COL13A1: variants seen among roughly 807,000 people sequenced by gnomAD.
COL13A1 encodes collagen alpha-1(XIII) chain.
A neutral mutation model predicts 130.9 loss-of-function variants in COL13A1; 89 were observed. The observed-to-expected ratio is 0.68, with a 90% CI of 0.57 to 0.81. The LOEUF (loss-of-function observed/expected upper bound fraction) is 0.81, where lower values mean the gene tolerates loss of function less well. Among genes scored for constraint, COL13A1 ranks in the 30% least tolerant of loss-of-function variants. The pLI, the probability that COL13A1 is intolerant of heterozygous loss-of-function variation, is 0.00. For missense variants in COL13A1, 879 were observed against 934.6 expected, an observed-to-expected ratio of 0.94 and a Z score of 0.78; for synonymous variants, 402 against 341.6, an observed-to-expected ratio of 1.18 and a Z score of -1.95.
chr10:69,933,052 C>G (rs1589616267), intron 31 of COL13A1, among the ~76,000 whole-genome samples: 1 of 142,964 alleles, frequency 7.0e-6, no homozygotes, highest in South Asian at 2.3e-4. Context: ...AGGAGAATCA[C>G]GTGAACCCAG....
At chr10:69,814,753 C>T (rs939363373) in intron 1 of COL13A1, among the ~76,000 whole-genome samples, 11 of 152,200 alleles carry the variant, frequency 7.2e-5, no homozygotes, top group African/African-American at 2.7e-4. Context: ...ATGATTTCAA[C>T]ACTGCCAAGC....
At chr10:69,883,987 T>C (rs1236701121) in intron 7 of COL13A1, among the ~76,000 whole-genome samples, 1 of 152,050 alleles carries the variant, frequency 6.6e-6, no homozygotes. Context: ...TTCGTGATGA[T>C]AAAAAATAAG....
In COL13A1 at chr10:69,859,032, G is replaced by A. The variant is rs372133695; in HGVS notation, c.365-8766G>A. 3.5e-4 allele frequency among the ~76,000 whole-genome samples: 54 copies of A among 152,252 alleles called. 2 individuals carry two copies. In the South Asian group the frequency reaches 0.011, roughly 32 times the overall value. On this transcript the variant is annotated intron_variant, in intron 2 of 40. Coordinates refer to ENST00000645393, the MANE Select transcript of COL13A1 (RefSeq NM_001368882.1). ...GGGCTAAGGGCATGCCTGGATTTCAGTTGTACGACTATGGGCCAGAACTTT... is the reference window on the plus strand; with the variant it reads ...GGGCTAAGGGCATGCCTGGATTTCAATTGTACGACTATGGGCCAGAACTTT...
chr10:69,803,606 G>A (rs1278833735), intron 1 of COL13A1, among the ~76,000 whole-genome samples: 1 of 152,144 alleles, frequency 6.6e-6, no homozygotes, highest in East Asian at 1.9e-4. Context: ...AGCAGTCTGG[G>A]AAGAGGTCCT....
intron 17 of COL13A1, among the ~76,000 whole-genome samples, chr10:69,911,056 C>T (rs962877357): frequency 6.6e-6 from 1 of 152,136 alleles, no homozygotes; most frequent in Non-Finnish European, 1.5e-5. Flanking sequence ...CAGTGGGGCT[C>T]CCCAGAAACA....
chr10:69,867,084 A>G (rs905789871), intron 2 of COL13A1, among the ~76,000 whole-genome samples: 1 of 152,030 alleles, frequency 6.6e-6, no homozygotes, highest in Non-Finnish European at 1.5e-5. Context: ...TGAATTTGTC[A>G]TTCTTGGCTG....
At chr10:69,811,885 T>A (rs1279203899) in intron 1 of COL13A1, among the ~76,000 whole-genome samples, 1 of 151,832 alleles carries the variant, frequency 6.6e-6, no homozygotes, top group African/African-American at 2.4e-5. Flanking sequence ...CATCCCTTCA[T>A]ATGTGAGCAC....
chr10:69,905,056 G>A (rs1317149475), intron 16 of COL13A1, 97 bp downstream of exon 16: 3 of 1,376,008 alleles, frequency 2.2e-6, no homozygotes, highest in Non-Finnish European at 2.0e-6. Context: ...CAGGAGCAGA[G>A]AGGGATCTCA....
chr10:69,891,151 G>C (rs1250693676), intron 10 of COL13A1, among the ~76,000 whole-genome samples: 13 of 152,196 alleles, frequency 8.5e-5, no homozygotes, highest in Admixed American at 7.9e-4. Flanking sequence ...TCACAGTCTA[G>C]TAGGGAGACA....
chr10:69,854,650 C>CTTGCAGT (rs1025065431), intron 2 of COL13A1, among the ~76,000 whole-genome samples: 4 of 151,996 alleles, frequency 2.6e-5, no homozygotes, highest in African/African-American at 9.7e-5. Flanking sequence ...AATTCTTTCA[C>CTTGCAGT]TTGCAGTTGT....
chr10:69,940,072 C>G (rs2067420833), intron 34 of COL13A1, among the ~76,000 whole-genome samples: 1 of 152,128 alleles, frequency 6.6e-6, no homozygotes, highest in Admixed American at 6.5e-5. Context: ...AGAAAAGGGT[C>G]CCTGGGTTTT....
rs1483339012 is a variant in COL13A1 at position 69,802,470 on chromosome 10, G to T, written c.47G>T (p.Gly16Val). The T allele has an allele frequency of 2.0e-6, 3 of 1,517,798 alleles. No homozygotes were observed. The highest frequency in any genetic ancestry group is 1.8e-6 in the Non-Finnish European group (2 of 1,136,382). The allele number at this position is 1,517,798 out of a possible 1,614,324, so 94.0% of individuals were successfully genotyped here. ...THKAAATGAR[G>V]PGELGAPGTV... ...AAAGCGGCAGCCACCGGTGCCCGCG[G>T]CCCTGGGGAGTTGGGCGCGCCCGGG... The change falls in exon 1 of 41, where the codon GGC becomes GTC. Residue 16 changes from glycine (G) to valine (V), a missense_variant. Gly to Val is a moderately radical substitution (Grantham distance 109). Transcript: ENST00000645393.
At chr10:69,950,691 T>C (rs564794536) in intron 38 of COL13A1, among the ~76,000 whole-genome samples, 1 of 152,364 alleles carries the variant, frequency 6.6e-6, no homozygotes, top group Admixed American at 6.5e-5. Context: ...ATACCTAATA[T>C]GTGCATACAT....
intron 4 of COL13A1, among the ~76,000 whole-genome samples, chr10:69,873,203 C>T (rs11595524): frequency 0.16 from 23,768 of 152,202 alleles, 2,422 homozygotes; most frequent in Non-Finnish European, 0.23. Context: ...CAGACCCTTA[C>T]GTTCCTCCCT....
At chr10:69,886,859 C>A (rs901089740) in intron 7 of COL13A1, among the ~76,000 whole-genome samples, 2 of 152,302 alleles carry the variant, frequency 1.3e-5, no homozygotes, top group African/African-American at 4.8e-5. Flanking sequence ...GCACTCTGCA[C>A]CTCCAGGAAA....
At chr10:69,856,337 C>T (rs1856429268) in intron 2 of COL13A1, among the ~76,000 whole-genome samples, 1 of 152,182 alleles carries the variant, frequency 6.6e-6, no homozygotes, top group African/African-American at 2.4e-5. Flanking sequence ...AGCACTTTGC[C>T]ACAGTCTCCA....
chr10:69,902,021 C>G (rs1022950538), intron 14 of COL13A1, among the ~76,000 whole-genome samples: 4 of 152,152 alleles, frequency 2.6e-5, no homozygotes, highest in African/African-American at 7.2e-5. Flanking sequence ...GTAACAGAAG[C>G]AGGCTGTGTG....
intron 21 of COL13A1, among the ~76,000 whole-genome samples, chr10:69,920,908 A>T (rs1271854548): frequency 1.3e-5 from 2 of 152,194 alleles, no homozygotes; most frequent in Non-Finnish European, 2.9e-5. Flanking sequence ...TTCCCTCACC[A>T]AATCTGTGAA....
chr10:69,844,451 C>T lies in COL13A1; in HGVS notation c.364+22013C>T, dbSNP rs562393076. Among the ~76,000 whole-genome samples the T allele has an allele frequency of 9.9e-5, 15 of 152,284 alleles. No individual in the cohort carries two copies. In the South Asian group the frequency reaches 1.0e-3, roughly 11 times the overall value. ...CCTGTGGAGATACAGAGAGATGAGACGAGAACATGCTTCCATCGCAAACAT... is the reference window on the plus strand; with the variant it reads ...CCTGTGGAGATACAGAGAGATGAGATGAGAACATGCTTCCATCGCAAACAT... On this transcript the variant is annotated intron_variant, in intron 2 of 40. Transcript: ENST00000645393.
Sources: gnomAD v4.1 joint callset for allele counts (sites outside exome capture counted in the v4.1 genomes callset) on GRCh38, gnomAD v4.1.1 for gene constraint, MANE v1.5 for transcripts, NCBI Gene and HGNC (gene_info 2026-07-23, HGNC 2026-07-21) for gene names.